The following GALNTL6 variants were observed in gnomAD, a reference collection of about 807,000 sequenced individuals.
GALNTL6 encodes the protein polypeptide N-acetylgalactosaminyltransferase-like 6.
A neutral mutation model predicts 73.7 loss-of-function variants in GALNTL6; 46 were observed. The observed-to-expected ratio is 0.62, with a 90% CI of 0.49 to 0.80. GALNTL6 has a LOEUF of 0.80. GALNTL6 is among the 30% of genes least tolerant of loss of function. GALNTL6 has a pLI of 0.00. For missense variants in GALNTL6, 604 were observed against 755.0 expected (o/e 0.80, Z 2.34); for synonymous variants, 259 against 263.7 (o/e 0.98, Z 0.17).
intron 5 of GALNTL6, among the ~76,000 whole-genome samples, chr4:172,590,769 G>A (rs1737604281): frequency 6.6e-6 from 1 of 152,242 alleles, no homozygotes; most frequent in Admixed American, 6.5e-5. Flanking sequence ...AGAGCTACAA[G>A]ACTTATTTCT....
intron 5 of GALNTL6, among the ~76,000 whole-genome samples, chr4:172,793,138 C>T (rs1740090105): frequency 6.6e-6 from 1 of 152,098 alleles, no homozygotes; most frequent in African/African-American, 2.4e-5. Context: ...TTATTTTGTT[C>T]ACGGGATATT....
chr4:172,597,824 G>A (rs1369879614), intron 5 of GALNTL6, among the ~76,000 whole-genome samples: 1 of 152,008 alleles, frequency 6.6e-6, no homozygotes, highest in African/African-American at 2.4e-5. Context: ...AAAAGTATAT[G>A]CTTATTCACT....
intron 5 of GALNTL6, among the ~76,000 whole-genome samples, chr4:172,468,162 G>T (rs549936143): frequency 1.3e-5 from 2 of 152,086 alleles, no homozygotes; most frequent in South Asian, 2.1e-4. Context: ...AAAGTTCTGG[G>T]ATTACAGGCA....
At chr4:172,559,411 C>A (rs1736270265) in intron 5 of GALNTL6, among the ~76,000 whole-genome samples, 1 of 152,064 alleles carries the variant, frequency 6.6e-6, no homozygotes, top group Non-Finnish European at 1.5e-5. Flanking sequence ...CTCTTACTCC[C>A]AGGTAGTAGA....
intron 7 of GALNTL6, among the ~76,000 whole-genome samples, chr4:172,833,887 G>T (rs1742769214): frequency 6.6e-6 from 1 of 152,098 alleles, no homozygotes. Context: ...GGCCGAGATG[G>T]GTGGATCAAC....
At chr4:172,879,802 CAAT>C (rs1197836232) in intron 7 of GALNTL6, among the ~76,000 whole-genome samples, 1 of 151,436 alleles carries the variant, frequency 6.6e-6, no homozygotes, top group Non-Finnish European at 1.5e-5. Flanking sequence ...AACAGTAAAA[CAAT>C]AAAGAAAATC....
In GALNTL6 at chr4:171,937,033, G is replaced by A. The variant is rs148722682; in HGVS notation, c.138+122315G>A. Among the ~76,000 whole-genome samples the A allele has an allele frequency of 6.3e-3, 957 of 152,206 alleles. 12 individuals are homozygous for A. Among genetic ancestry groups the A allele is most frequent in the African/African-American group, 0.022 (927 of 41,544 alleles). ...AAGTACCCAAGAAAAATATCTTCTG[G>A]ACTCATGTGCTTAGCTGTGGAGTAA... is the stretch of plus-strand genomic sequence containing the variant. On this transcript the variant is annotated intron_variant, in intron 2 of 12. Coordinates refer to ENST00000506823, the MANE Select transcript of GALNTL6 (RefSeq NM_001034845.3).
At chr4:172,872,754 T>C (rs1249265411) in intron 7 of GALNTL6, among the ~76,000 whole-genome samples, 2 of 152,238 alleles carry the variant, frequency 1.3e-5, no homozygotes, top group Admixed American at 6.5e-5. Flanking sequence ...ACTGTAATGT[T>C]AGCTTGATCT....
At chr4:172,069,389 A>C (rs1731440717) in intron 2 of GALNTL6, among the ~76,000 whole-genome samples, 1 of 100,286 alleles carries the variant, frequency 1.0e-5, no homozygotes. Context: ...GTGTGTGTAC[A>C]TATGTGTTAT....
chr4:172,519,579 G>A (rs1438904320), intron 5 of GALNTL6, among the ~76,000 whole-genome samples: 1 of 150,380 alleles, frequency 6.6e-6, no homozygotes, highest in African/African-American at 2.4e-5. Context: ...TGGATTGCAT[G>A]GTTTCTTCCA....
intron 5 of GALNTL6, among the ~76,000 whole-genome samples, chr4:172,492,913 A>C (rs1011986109): frequency 2.0e-5 from 3 of 152,188 alleles, no homozygotes; most frequent in Admixed American, 1.3e-4. Context: ...TTGTTTAACA[A>C]CTGTGTGTCT....
intron 5 of GALNTL6, among the ~76,000 whole-genome samples, chr4:172,413,832 TA>T (rs1744529573): frequency 6.6e-6 from 1 of 152,112 alleles, no homozygotes; most frequent in Non-Finnish European, 1.5e-5. Context: ...CTGTTTTTCT[TA>T]AGATTCCCTT....
intron 12 of GALNTL6, among the ~76,000 whole-genome samples, chr4:173,038,525 CAAG>C (rs1409578443): frequency 6.6e-6 from 1 of 152,122 alleles, no homozygotes; most frequent in Non-Finnish European, 1.5e-5. Context: ...AAGAAAATGG[CAAG>C]GAGATCTCAG....
chr4:172,283,670 A>G (rs995190340), intron 3 of GALNTL6, among the ~76,000 whole-genome samples: 1 of 152,158 alleles, frequency 6.6e-6, no homozygotes, highest in African/African-American at 2.4e-5. Flanking sequence ...TTTAATGCTA[A>G]TAATAATTAA....
rs2110987028 is a variant in GALNTL6, at chr4:172,809,631, A to G, written c.739+85A>G. 2 of 1,062,952 alleles carry G rather than the reference A, an allele frequency of 1.9e-6. No homozygotes were observed. Among genetic ancestry groups the G allele is most frequent in the East Asian group, 2.5e-5 (1 of 40,028 alleles). The allele number at this position is 1,062,952 out of a possible 1,614,324, so 65.8% of individuals were successfully genotyped here. On this transcript the variant is annotated intron_variant, in intron 6 of 12. Transcript: ENST00000506823. This position sits in a 1 kb window ranked among gnomAD's most constrained non-coding sequence, Gnocchi z 4.4. ...TCTATTTAGTTTGCAATCAGCAAAC[A>G]CTAGAGGTCCCTTCTACAAGTTTTC... is the stretch of plus-strand genomic sequence containing the variant.
chr4:171,830,304 A>C (rs1353580145), intron 2 of GALNTL6, among the ~76,000 whole-genome samples: 1 of 152,164 alleles, frequency 6.6e-6, no homozygotes, highest in East Asian at 1.9e-4. Flanking sequence ...TAAGCTGCCT[A>C]GTTTGTGGAG....
At chr4:173,002,271 T>C (rs949769600) in intron 10 of GALNTL6, among the ~76,000 whole-genome samples, 3 of 151,660 alleles carry the variant, frequency 2.0e-5, no homozygotes, top group African/African-American at 7.3e-5. Flanking sequence ...ACACCTGTAG[T>C]CCCAGCTACT....
chr4:172,817,618 T>C (rs1741681026), intron 7 of GALNTL6, among the ~76,000 whole-genome samples: 1 of 152,156 alleles, frequency 6.6e-6, no homozygotes. Context: ...TGAAAGACTT[T>C]TCTGTGTGAC....
intron 5 of GALNTL6, among the ~76,000 whole-genome samples, chr4:172,599,649 G>A (rs1235695960): frequency 6.6e-6 from 1 of 152,086 alleles, no homozygotes; most frequent in East Asian, 1.9e-4. Context: ...CCACCTGGCA[G>A]TTATATATTG....
Sources: gnomAD v4.1 joint callset for allele counts (sites outside exome capture counted in the v4.1 genomes callset) on GRCh38, gnomAD v4.1.1 for gene constraint, Gnocchi (gnomAD v3.1) non-coding constraint, MANE v1.5 for transcripts, NCBI Gene and HGNC (gene_info 2026-07-23, HGNC 2026-07-21) for gene names.